KCNQ1: variants seen among roughly 807,000 people sequenced by gnomAD.
KCNQ1 encodes potassium voltage-gated channel subfamily KQT member 1.
A neutral mutation model predicts 72.4 loss-of-function variants in KCNQ1; 49 were observed. That is an observed-to-expected ratio of 0.68 (90% CI 0.54 to 0.86). The LOEUF is 0.86. KCNQ1 is among the 40% of genes least tolerant of loss of function. KCNQ1 has a pLI of 0.00. For missense variants in KCNQ1, 790 were observed against 945.1 expected (o/e 0.84, Z 2.15); for synonymous variants, 450 against 412.6 (o/e 1.09, Z -1.10).
rs1049676534 is a variant in KCNQ1 at position 2,735,523 on chromosome 11, G to A, written c.1515-33321G>A. On this transcript the variant is annotated intron_variant, in intron 11 of 15. Coordinates refer to ENST00000155840, the MANE Select transcript of KCNQ1 (RefSeq NM_000218.3). The surrounding 1 kb of genome is among the most constrained non-coding windows in gnomAD (Gnocchi z 7.7). ...CCCCTCACCCACCCATCCACACCCC[G>A]CAGGCATCCTAGGGCCTGGCCCACC... is the stretch of plus-strand genomic sequence containing the variant. Among the ~76,000 whole-genome samples, 1 of 151,688 alleles carries A rather than the reference G, an allele frequency of 6.6e-6. No homozygotes were observed. Among genetic ancestry groups the A allele is most frequent in the East Asian group, 1.9e-4 (1 of 5,160 alleles).
At position 2,579,907 on chromosome 11, in the gene KCNQ1, C is replaced by T. The variant is rs1165954911; in HGVS notation, c.922-3528C>T. On this transcript the variant is annotated intron_variant, in intron 6 of 15. Transcript: ENST00000155840. The surrounding 1 kb of genome is among the most constrained non-coding windows in gnomAD (Gnocchi z 6.0). Reference sequence around the variant, plus strand: ...GTGTCCTTACGCGAGCAGGTGGCTACCTCACCTGCTCACCTGACCCCAACT... The same window carrying T: ...GTGTCCTTACGCGAGCAGGTGGCTATCTCACCTGCTCACCTGACCCCAACT... Among the ~76,000 whole-genome samples, 1 of 152,090 alleles carries T rather than the reference C, an allele frequency of 6.6e-6. No individual in the cohort carries two copies. The highest frequency in any genetic ancestry group is 1.5e-5 in the Non-Finnish European group (1 of 67,988).
chr11:2,700,448 G>A (rs1454653758), intron 11 of KCNQ1, among the ~76,000 whole-genome samples: 1 of 152,148 alleles, frequency 6.6e-6, no homozygotes, highest in East Asian at 1.9e-4. Context: ...GGAGGCCTGT[G>A]GGCGTCCAGG....
chr11:2,511,937 G>A (rs1847213347), intron 1 of KCNQ1, among the ~76,000 whole-genome samples: 1 of 152,254 alleles, frequency 6.6e-6, no homozygotes, highest in Non-Finnish European at 1.5e-5. Flanking sequence ...GGTCAGAGCG[G>A]GCATGGACAG....
At chr11:2,666,107 G>C (rs1056277066) in intron 11 of KCNQ1, 5 of 398,570 alleles carry the variant, frequency 1.3e-5, no homozygotes, top group African/African-American at 1.0e-4. Context: ...CAGTCATGTG[G>C]TTTCTCTGAA....
chr11:2,710,856 A>G lies in KCNQ1; in HGVS notation c.1514+48775A>G, dbSNP rs1054332051. Among the ~76,000 whole-genome samples, 4 of 152,222 alleles carry G rather than the reference A, an allele frequency of 2.6e-5. No individual in the cohort carries two copies. The highest frequency in any genetic ancestry group is 9.6e-5 in the African/African-American group (4 of 41,468). ...TTTGTTTGTCTATCCTTATGCCAGTACTATATCGTCTTGATTGTTATAGCT... is the reference window on the plus strand; with the variant it reads ...TTTGTTTGTCTATCCTTATGCCAGTGCTATATCGTCTTGATTGTTATAGCT... On this transcript the variant is annotated intron_variant, in intron 11 of 15. Transcript: ENST00000155840. This position sits in a 1 kb window ranked among gnomAD's most constrained non-coding sequence, Gnocchi z 4.1.
chr11:2,662,263 C>T, intron 11 of KCNQ1, 182 bp downstream of exon 11: 7 of 675,634 alleles, frequency 1.0e-5, no homozygotes, highest in Non-Finnish European at 1.8e-5. Context: ...AGCAAGGGCA[C>T]TTCCCACTGA....
In KCNQ1 at chr11:2,543,174, C is replaced by T. The variant is rs1193551556; in HGVS notation, c.477+15156C>T. On this transcript the variant is annotated intron_variant, in intron 2 of 15. Coordinates refer to ENST00000155840, the MANE Select transcript of KCNQ1 (RefSeq NM_000218.3). This position sits in a 1 kb window ranked among gnomAD's most constrained non-coding sequence, Gnocchi z 5.6. Reference sequence around the variant, plus strand: ...CCCATTGTAAAATTGGGCTGTTTGTCATCTGAGTTGTAAAAGTTCTTTGTA... The same window carrying T: ...CCCATTGTAAAATTGGGCTGTTTGTTATCTGAGTTGTAAAAGTTCTTTGTA... Among the ~76,000 whole-genome samples, 1 of 152,182 alleles carries T rather than the reference C, an allele frequency of 6.6e-6. No individual in the cohort carries two copies. Among genetic ancestry groups the T allele is most frequent in the African/African-American group, 2.4e-5 (1 of 41,432 alleles).
At position 2,483,279 on chromosome 11, in the gene KCNQ1, C is replaced by G. The variant is rs1323558221; in HGVS notation, c.386+37795C>G. ...GTGAGTGATGAGGGACAACATCAGT[C>G]CTCTCTTGGCTTCTGTACTTTAAAA... On this transcript the variant is annotated intron_variant, in intron 1 of 15. Coordinates refer to ENST00000155840, the MANE Select transcript of KCNQ1 (RefSeq NM_000218.3). This position sits in a 1 kb window ranked among gnomAD's most constrained non-coding sequence, Gnocchi z 6.1. Among the ~76,000 whole-genome samples, 1 of 152,098 alleles carries G rather than the reference C, an allele frequency of 6.6e-6. No homozygotes were observed.
At chr11:2,625,207 G>A (rs895635333) in intron 10 of KCNQ1, 5 of 398,452 alleles carry the variant, frequency 1.3e-5, no homozygotes, top group African/African-American at 4.1e-5. Flanking sequence ...AGTGCACAAG[G>A]ATTCCAATTT....
In KCNQ1 at chr11:2,683,956, TTTAC is replaced by T. The variant is rs1262351898; in HGVS notation, c.1514+21878_1514+21881del. ...AGTCAGACAAAACCAGCTGACTGCTTTTACTTTTTTTTTTTTTTCATTTAGAAGA... is the reference window on the plus strand; with the variant it reads ...AGTCAGACAAAACCAGCTGACTGCTTTTTTTTTTTTTTTTCATTTAGAAGA... On this transcript the variant is annotated intron_variant, in intron 11 of 15. Transcript: ENST00000155840. This position sits in a 1 kb window ranked among gnomAD's most constrained non-coding sequence, Gnocchi z 4.7. 2.5e-6 allele frequency: 1 copy of T among 396,162 alleles called. No individual in the cohort carries two copies. The highest frequency in any genetic ancestry group is 4.4e-6 in the Non-Finnish European group (1 of 225,828). The allele number at this position is 396,162 out of a possible 1,614,324, so 24.5% of individuals were successfully genotyped here.
chr11:2,756,322 G>T (rs1258538741), intron 11 of KCNQ1, among the ~76,000 whole-genome samples: 1 of 151,568 alleles, frequency 6.6e-6, no homozygotes, highest in Non-Finnish European at 1.5e-5. Context: ...ATACAAAAGA[G>T]AATTTTAAAC....
At chr11:2,796,759 G>A (rs868286577) in intron 15 of KCNQ1, among the ~76,000 whole-genome samples, 5 of 152,208 alleles carry the variant, frequency 3.3e-5, no homozygotes, top group South Asian at 4.1e-4. Flanking sequence ...CATTCTTCCC[G>A]GCGGCAGCGG....
At chr11:2,531,218 G>GTTCTGGGCT (rs1564808212) in intron 2 of KCNQ1, among the ~76,000 whole-genome samples, 4 of 151,430 alleles carry the variant, frequency 2.6e-5, no homozygotes, top group African/African-American at 9.7e-5. Context: ...AATTAGACGT[G>GTTCTGGGCT]CCCTGGGCTC....
chr11:2,594,569 C>A lies in KCNQ1; in HGVS notation c.1393+5715C>A, dbSNP rs142116549. The stretch of plus-strand genomic sequence containing the variant: ...TTGACCATCTCATTGTCTTCCTCAG[C>A]TGTCTCATAGATTTTCTATCTCTGT... On this transcript the variant is annotated intron_variant, in intron 10 of 15. Coordinates refer to ENST00000155840, the MANE Select transcript of KCNQ1 (RefSeq NM_000218.3). 2.6e-5 allele frequency among the ~76,000 whole-genome samples: 4 copies of A among 152,262 alleles called. No homozygotes were observed. The East Asian group carries it at 7.7e-4, about 29-fold the overall frequency.
In KCNQ1 at chr11:2,694,433, C is replaced by T. The variant is rs1850639601; in HGVS notation, c.1514+32352C>T. Reference sequence around the variant, plus strand: ...GGTAGAGACCAGGCAGGGTGCTAAACATCTTACAATATAAATGACAGCCCC... The same window carrying T: ...GGTAGAGACCAGGCAGGGTGCTAAATATCTTACAATATAAATGACAGCCCC... On this transcript the variant is annotated intron_variant, in intron 11 of 15. Transcript: ENST00000155840. The T allele has an allele frequency of 7.5e-6, 3 of 398,658 alleles. No individual in the cohort carries two copies. The Admixed American group carries it at 1.3e-4, about 18-fold the overall frequency. The allele number at this position is 398,658 out of a possible 1,614,324, so 24.7% of individuals were successfully genotyped here.
rs1373365042 is a variant in KCNQ1, at chr11:2,515,431, C to T, written c.387-12497C>T. On this transcript the variant is annotated intron_variant, in intron 1 of 15. Coordinates refer to ENST00000155840, the MANE Select transcript of KCNQ1 (RefSeq NM_000218.3). The surrounding 1 kb of genome is among the most constrained non-coding windows in gnomAD (Gnocchi z 4.7). ...GCCCCTGGCCCAGGGGCGGGGAGGCCTGTCCACCCCTCCCACCCGTCCCCG... is the reference window on the plus strand; with the variant it reads ...GCCCCTGGCCCAGGGGCGGGGAGGCTTGTCCACCCCTCCCACCCGTCCCCG... Among the ~76,000 whole-genome samples the T allele has an allele frequency of 6.7e-6, 1 of 148,934 alleles. No homozygotes were observed. The highest frequency in any genetic ancestry group is 1.5e-5 in the Non-Finnish European group (1 of 66,588).
chr11:2,711,745 A>G lies in KCNQ1; in HGVS notation c.1514+49664A>G, dbSNP rs756603000. The stretch of plus-strand genomic sequence containing the variant: ...ACCACCAGGGAAATAGAACTTTGGC[A>G]GCTTACAAAGGAGTTTTATTTTTCA... On this transcript the variant is annotated intron_variant, in intron 11 of 15. Transcript: ENST00000155840. This position sits in a 1 kb window ranked among gnomAD's most constrained non-coding sequence, Gnocchi z 5.4. Among the ~76,000 whole-genome samples the G allele has an allele frequency of 6.6e-6, 1 of 152,226 alleles. No individual in the cohort carries two copies. The highest frequency in any genetic ancestry group is 1.5e-5 in the Non-Finnish European group (1 of 68,032).
At position 2,562,789 on chromosome 11, in the gene KCNQ1, T is replaced by A. The variant is rs1424103600; in HGVS notation, c.478-7839T>A. Reference sequence around the variant, plus strand: ...ATGGGGGCGCCAGGGAGGCCGGCTGTGTTTCTGCATCCTTGACCCTGGCCC... The same window carrying A: ...ATGGGGGCGCCAGGGAGGCCGGCTGAGTTTCTGCATCCTTGACCCTGGCCC... On this transcript the variant is annotated intron_variant, in intron 2 of 15. Coordinates refer to ENST00000155840, the MANE Select transcript of KCNQ1 (RefSeq NM_000218.3). The surrounding 1 kb of genome is among the most constrained non-coding windows in gnomAD (Gnocchi z 7.5). Among the ~76,000 whole-genome samples, 1 of 152,176 alleles carries A rather than the reference T, an allele frequency of 6.6e-6. No individual in the cohort carries two copies. Among genetic ancestry groups the A allele is most frequent in the African/African-American group, 2.4e-5 (1 of 41,440 alleles).
At chr11:2,699,598 G>T (rs1259912004) in intron 11 of KCNQ1, 1 of 351,900 alleles carries the variant, frequency 2.8e-6, no homozygotes, top group African/African-American at 2.1e-5. Flanking sequence ...ACAGAACCGC[G>T]GCGAGAGGCC....
Sources: gnomAD v4.1 joint callset for allele counts (sites outside exome capture counted in the v4.1 genomes callset) on GRCh38, gnomAD v4.1.1 for gene constraint, Gnocchi (gnomAD v3.1) non-coding constraint, MANE v1.5 for transcripts, NCBI Gene and HGNC (gene_info 2026-07-23, HGNC 2026-07-21) for gene names.